Variants in GALK2 observed in about 807,000 individuals in gnomAD.
The protein encoded by GALK2 is N-acetylgalactosamine kinase.
In GALK2, 36 loss-of-function variants were observed where a neutral mutation model predicts 52.4. The observed-to-expected ratio is 0.69, with a 90% CI of 0.53 to 0.91. The LOEUF (loss-of-function observed/expected upper bound fraction) is 0.91. Among genes scored for constraint, GALK2 ranks in the 40% least tolerant of loss-of-function variants. The pLI is 0.00. For missense variants in GALK2, 579 were observed against 559.1 expected, an observed-to-expected ratio of 1.04 and a Z score of -0.36; for synonymous variants, 176 against 199.1, an observed-to-expected ratio of 0.88 and a Z score of 0.98.
Position 49,329,430 on chromosome 15 carries a change from C to T in GALK2, c.*1271C>T, listed in dbSNP as rs1160140797. The T allele has an allele frequency of 2.0e-6, 2 of 982,954 alleles. No individual in the cohort carries two copies. Among genetic ancestry groups the T allele is most frequent in the Admixed American group, 6.2e-5 (1 of 16,250 alleles). The allele number at this position is 982,954 out of a possible 1,614,324, so 60.9% of individuals were successfully genotyped here. On this transcript the variant is annotated 3_prime_UTR_variant, in exon 10 of 10. Transcript: ENST00000560031. ...ATTATCCAAAAAAATATCAGAATTA[C>T]TTATTATTCTGTGATTTCATTAGCT...
At chr15:49,319,828 A>C (rs1198180940) in intron 9 of GALK2, 23 bp downstream of exon 9, 1 of 1,594,304 alleles carries the variant, frequency 6.3e-7, no homozygotes, top group Admixed American at 1.7e-5. Flanking sequence ...GGTGGGGGCC[A>C]AGGGATGCCA....
chr15:49,367,543 T>C, exon 4 of GALK2: 1 of 1,607,230 alleles, frequency 6.2e-7, no homozygotes, highest in South Asian at 1.1e-5. Context: ...ATAAAATCAA[T>C]GGACTCTGAC....
rs1382702906 is a variant in GALK2, at chr15:49,366,141, T to G, written c.427-1350T>G. 3.0e-6 allele frequency: 3 copies of G among 987,886 alleles called. No homozygotes were observed. The African/African-American group carries it at 4.8e-5, about 16-fold the overall frequency. The allele number at this position is 987,886 out of a possible 1,614,324, so 61.2% of individuals were successfully genotyped here. A position where few individuals can be genotyped will look rare whatever the true frequency, so the allele number is the denominator to read the frequency against. On this transcript the variant is annotated intron_variant, in intron 3 of 3. Coordinates refer to the GALK2 transcript ENST00000558399. Reference sequence around the variant, plus strand: ...CTCCAGTATCCACCTAATGCCACAGTGAACACAGCAATTACAAAAATAACC... The same window carrying G: ...CTCCAGTATCCACCTAATGCCACAGGGAACACAGCAATTACAAAAATAACC...
intron 8 of GALK2, among the ~76,000 whole-genome samples, chr15:49,318,563 T>C (rs2036611441): frequency 1.3e-5 from 2 of 152,230 alleles, no homozygotes; most frequent in African/African-American, 4.8e-5. Context: ...GAATATAGCA[T>C]AATTTTTAAA....
At chr15:49,300,870 T>C (rs551766411) in intron 8 of GALK2, among the ~76,000 whole-genome samples, 2 of 152,314 alleles carry the variant, frequency 1.3e-5, no homozygotes, top group South Asian at 4.1e-4. Flanking sequence ...CTCAGGTATG[T>C]CCTTATTGGC....
At position 49,328,694 on chromosome 15, in the gene GALK2, A is replaced by T; in HGVS notation, c.*535A>T. On this transcript the variant is annotated 3_prime_UTR_variant, in exon 10 of 10. Coordinates refer to ENST00000560031, the MANE Select transcript of GALK2 (RefSeq NM_002044.4). ...CGGAACGCTATGAAAATAATACATG[A>T]TTAAAGTTTCACAGATCTTCTTGGA... The T allele has an allele frequency of 6.5e-7, 1 of 1,549,816 alleles. No homozygotes were observed. The highest frequency in any genetic ancestry group is 8.7e-7 in the Non-Finnish European group (1 of 1,145,680).
At chr15:49,354,754 T>G (rs1321169169) in intron 3 of GALK2, among the ~76,000 whole-genome samples, 2 of 152,102 alleles carry the variant, frequency 1.3e-5, no homozygotes, top group South Asian at 2.1e-4. Flanking sequence ...CAAGGAGGCC[T>G]GCCTGCCTCT....
Position 49,328,727 on chromosome 15 carries a change from T to G in GALK2, c.*568T>G, listed in dbSNP as rs2037974616. Reference sequence around the variant, plus strand: ...TTCACAGATCTTCTTGGACATTGTATAATTGAATTTGAATGTGAGATTTCT... The same window carrying G: ...TTCACAGATCTTCTTGGACATTGTAGAATTGAATTTGAATGTGAGATTTCT... On this transcript the variant is annotated 3_prime_UTR_variant, in exon 10 of 10. Coordinates refer to ENST00000560031, the MANE Select transcript of GALK2 (RefSeq NM_002044.4). 6.6e-7 allele frequency: 1 copy of G among 1,521,208 alleles called. No individual in the cohort carries two copies. Among genetic ancestry groups the G allele is most frequent in the Admixed American group, 2.1e-5 (1 of 48,240 alleles). The allele number at this position is 1,521,208 out of a possible 1,614,324, so 94.2% of individuals were successfully genotyped here.
intron 3 of GALK2, among the ~76,000 whole-genome samples, chr15:49,359,224 C>G (rs1251814496): frequency 7.0e-6 from 1 of 143,876 alleles, no homozygotes; most frequent in Non-Finnish European, 1.5e-5. Flanking sequence ...CAACAAAAGA[C>G]AAAATTGACA....
In GALK2 at chr15:49,319,582, C is replaced by G. The variant is rs201499489; in HGVS notation, c.968-22C>G. On this transcript the variant is annotated intron_variant, in intron 8 of 9. Transcript: ENST00000560031. The stretch of plus-strand genomic sequence containing the variant: ...TCCAGTAACTATTCCTAACCTCCTT[C>G]CCCATCCTCTTCCTTCCTCAGTGCT... 4.3e-6 allele frequency: 7 copies of G among 1,609,876 alleles called. No individual in the cohort carries two copies. The African/African-American group carries it at 8.0e-5, about 18-fold the overall frequency.
chr15:49,171,402 G>T (rs905148517), intron 1 of GALK2, among the ~76,000 whole-genome samples: 1 of 151,930 alleles, frequency 6.6e-6, no homozygotes, highest in African/African-American at 2.4e-5. Context: ...GCTGTTTTCA[G>T]TTTTTTTCTG....
At chr15:49,254,904 G>A (rs1408184581) in intron 5 of GALK2, among the ~76,000 whole-genome samples, 2 of 144,048 alleles carry the variant, frequency 1.4e-5, no homozygotes, top group African/African-American at 5.0e-5. Flanking sequence ...AATTTCAAAA[G>A]GATAGAAGAG....
chr15:49,217,343 T>C lies in GALK2; in HGVS notation c.266+30T>C, dbSNP rs376598421. 1.3e-5 allele frequency: 21 copies of C among 1,610,286 alleles called. No individual in the cohort carries two copies. In the African/African-American group the frequency reaches 2.5e-4, roughly 19 times the overall value. ...GTATTTAAAATTGTTAGTGTGTGTGTATGTATGGTTCTGTTTGTACCCAAA... is the reference window on the plus strand; with the variant it reads ...GTATTTAAAATTGTTAGTGTGTGTGCATGTATGGTTCTGTTTGTACCCAAA... On this transcript the variant is annotated intron_variant, in intron 3 of 9. Coordinates refer to ENST00000560031, the MANE Select transcript of GALK2 (RefSeq NM_002044.4).
At chr15:49,174,062 G>A (rs145867110) in intron 1 of GALK2, among the ~76,000 whole-genome samples, 44 of 152,196 alleles carry the variant, frequency 2.9e-4, no homozygotes, top group African/African-American at 1.0e-3. Flanking sequence ...AGGGCTGAGA[G>A]TATTTTGTAG....
chr15:49,337,507 ACTT>A (rs2039942353), intron 3 of GALK2, among the ~76,000 whole-genome samples: 2 of 22,990 alleles, frequency 8.7e-5, no homozygotes, highest in South Asian at 2.5e-3. Context: ...TCATTTACCC[ACTT>A]TTTTTTTTTT....
At chr15:49,190,365 AT>A (rs575062176) in intron 1 of GALK2, among the ~76,000 whole-genome samples, 50 of 151,972 alleles carry the variant, frequency 3.3e-4, no homozygotes, top group African/African-American at 1.2e-3. Flanking sequence ...AATGTTTTCA[AT>A]TTTTTTTGTA....
intron 1 of GALK2, among the ~76,000 whole-genome samples, chr15:49,159,579 A>C (rs1318871435): frequency 8.2e-6 from 1 of 121,312 alleles, no homozygotes; most frequent in Non-Finnish European, 2.0e-5. Context: ...CTGTCTCAAA[A>C]AAAAAAAAAA....
intron 2 of GALK2, among the ~76,000 whole-genome samples, chr15:49,201,902 G>T (rs1032083589): frequency 6.6e-6 from 1 of 152,008 alleles, no homozygotes; most frequent in Non-Finnish European, 1.5e-5. Flanking sequence ...TCCACAGATG[G>T]GGTAATTTAT....
intron 3 of GALK2, among the ~76,000 whole-genome samples, chr15:49,339,821 C>T (rs979021901): frequency 1.3e-5 from 2 of 152,148 alleles, no homozygotes; most frequent in African/African-American, 2.4e-5. Context: ...AGATGCCCTG[C>T]CCGTAGAGGA....
Sources: allele counts gnomAD v4.1 joint callset (sites outside exome capture counted in the v4.1 genomes callset), GRCh38; gene constraint gnomAD v4.1.1; transcripts MANE v1.5; gene names NCBI Gene and HGNC (gene_info 2026-07-23, HGNC 2026-07-21).